CSF3R: variants seen among roughly 807,000 people sequenced by gnomAD.
CSF3R encodes the protein granulocyte colony-stimulating factor receptor.
A neutral mutation model predicts 84.4 loss-of-function variants in CSF3R; 52 were observed. The observed-to-expected ratio is 0.62, with a 90% CI of 0.49 to 0.78. The LOEUF is 0.78. CSF3R is among the 30% of genes least tolerant of loss of function. The probability of loss-of-function intolerance (pLI) is 0.00; values close to 1 mark genes in which losing one functional copy is unlikely to be tolerated. For missense variants in CSF3R, 890 were observed against 1,055.7 expected, an observed-to-expected ratio of 0.84 and a Z score of 2.17; for synonymous variants, 384 against 429.1, an observed-to-expected ratio of 0.89 and a Z score of 1.30.
At chr1:36,475,336 G>A (rs767041452) in intron 4 of CSF3R, 41 bp downstream of exon 4, 1 of 1,609,380 alleles carries the variant, frequency 6.2e-7, no homozygotes, top group South Asian at 1.1e-5. Context: ...TTGGCAGGAG[G>A]GTGTTGGAGG....
At chr1:36,478,444 G>A (rs984709787) in intron 3 of CSF3R, among the ~76,000 whole-genome samples, 10 of 152,006 alleles carry the variant, frequency 6.6e-5, no homozygotes, top group African/African-American at 2.4e-4. Flanking sequence ...CAGGAGAATC[G>A]CTTGAACCCG....
At chr1:36,474,640 TC>T (rs1651008356) in intron 4 of CSF3R, among the ~76,000 whole-genome samples, 1 of 151,930 alleles carries the variant, frequency 6.6e-6, no homozygotes, top group Non-Finnish European at 1.5e-5. Context: ...AACAAGAACC[TC>T]GGTCTTTGTT....
chr1:36,471,376 A>T, intron 10 of CSF3R, 57 bp downstream of exon 10: 1 of 1,531,254 alleles, frequency 6.5e-7, no homozygotes, highest in South Asian at 1.1e-5. Context: ...CAGGCAGTCT[A>T]GCCTTTGAAT....
chr1:36,468,126 G>A lies in CSF3R; in HGVS notation c.1672C>T (p.Pro558Ser). The change falls in exon 13 of 17, where the codon CCC becomes TCC. Residue 558 changes from proline to serine, a missense_variant. Transcript: ENST00000373106. The stretch of plus-strand genomic sequence containing the variant: ...CAGAAGATGGTGTAGTGGGTAAGGG[G>A]GCTCTTCCCCAGCTCAGGGGGCTCA... ...VPEPPELGKS[P>S]LTHYTIFWTN... 6.2e-7 allele frequency: 1 copy of A among 1,614,172 alleles called. No individual in the cohort carries two copies. The highest frequency in any genetic ancestry group is 8.5e-7 in the Non-Finnish European group (1 of 1,179,984).
intron 4 of CSF3R, among the ~76,000 whole-genome samples, chr1:36,474,861 C>A (rs1651021895): frequency 6.6e-6 from 1 of 152,134 alleles, no homozygotes. Context: ...GTGATAAGGG[C>A]AAGTCACTTA....
chr1:36,476,515 T>C (rs1181291188), intron 3 of CSF3R, among the ~76,000 whole-genome samples: 1 of 152,226 alleles, frequency 6.6e-6, no homozygotes, highest in East Asian at 1.9e-4. Flanking sequence ...CCTGACCCTC[T>C]CAGTTCCAGC....
intron 6 of CSF3R, chr1:36,473,063 C>A (rs3917971): frequency 0.29 from 109,799 of 376,108 alleles, 17,975 homozygotes; most frequent in South Asian, 0.38. Flanking sequence ...TTAATTTCTC[C>A]TTTCTGCTTA....
In CSF3R at chr1:36,466,879, C is replaced by T; in HGVS notation, c.2041-52G>A. The T allele has an allele frequency of 1.2e-6, 2 of 1,614,090 alleles. No homozygotes were observed. The highest frequency in any genetic ancestry group is 1.7e-6 in the Non-Finnish European group (2 of 1,180,000). ...CACGGCTCATTTCAGATGTCTGCCC[C>T]AGCCACTGTCCCTGTCTGGGTCCGG... On this transcript the variant is annotated intron_variant, in intron 16 of 16. Transcript: ENST00000373106. The surrounding 1 kb of genome is among the most constrained non-coding windows in gnomAD (Gnocchi z 4.6).
In CSF3R at chr1:36,467,805, C is replaced by T. The variant is rs746679632; in HGVS notation, c.1864+17G>A. ...CCTCCAAACAGCCATCTCTGCCCAG[C>T]CCCCGTCTCCCCTTACCTGGGGTCA... On this transcript the variant is annotated intron_variant, in intron 14 of 16. Transcript: ENST00000373106. This position sits in a 1 kb window ranked among gnomAD's most constrained non-coding sequence, Gnocchi z 4.1. 6.8e-6 allele frequency: 11 copies of T among 1,614,116 alleles called. No homozygotes were observed. The Admixed American group carries it at 1.7e-4, about 24-fold the overall frequency.
rs779773667 is a variant in CSF3R, at chr1:36,473,564, C to T, written c.544G>A (p.Gly182Arg). The T allele has an allele frequency of 1.6e-5, 26 of 1,614,164 alleles. No homozygotes were observed. The highest frequency in any genetic ancestry group is 2.2e-5 in the East Asian group (1 of 44,878). The change falls in exon 6 of 17, where the codon GGG becomes AGG. Residue 182 changes from glycine (G) to arginine (R), a missense_variant. Gly to Arg is a moderately radical substitution (Grantham distance 125). Coordinates refer to ENST00000373106, the MANE Select transcript of CSF3R (RefSeq NM_000760.4). ...CGTGGGATGCAGCAGTGGCTCTGCC[C>T]GTCCTTGGGCACGCAGTCCAGGATG... ...DSILDCVPKD[G>R]QSHCCIPRKH...
At chr1:36,468,311 G>A in intron 12 of CSF3R, 90 bp from the exon 13 acceptor site, 1 of 1,392,534 alleles carries the variant, frequency 7.2e-7, no homozygotes, top group East Asian at 2.3e-5. Flanking sequence ...ACACTGTGGG[G>A]TGGGTGAGAA....
intron 4 of CSF3R, among the ~76,000 whole-genome samples, chr1:36,475,154 G>A (rs1651044386): frequency 1.3e-5 from 2 of 151,908 alleles, no homozygotes; most frequent in Admixed American, 6.6e-5. Context: ...ACAGGCACCC[G>A]CCACTATGCC....
At chr1:36,470,299 C>T (rs556942990) in intron 10 of CSF3R, among the ~76,000 whole-genome samples, 5 of 152,302 alleles carry the variant, frequency 3.3e-5, no homozygotes, top group East Asian at 1.9e-4. Context: ...ATTCTCCTGC[C>T]GCAGCCTCCC....
rs1446951205 is a variant in CSF3R, at chr1:36,472,006, G to A, written c.1071+60C>T. On this transcript the variant is annotated intron_variant, in intron 9 of 16. Coordinates refer to ENST00000373106, the MANE Select transcript of CSF3R (RefSeq NM_000760.4). The surrounding 1 kb of genome is among the most constrained non-coding windows in gnomAD (Gnocchi z 5.0). ...TTGGAGTCCTAAGCCCCGGTTTGTA[G>A]GGATCTGTTTGGACTGCGGGAGGTG... is the stretch of plus-strand genomic sequence containing the variant. 13 of 1,544,664 alleles carry A rather than the reference G, an allele frequency of 8.4e-6. No homozygotes were observed. The East Asian group carries it at 2.5e-4, about 29-fold the overall frequency.
In CSF3R at chr1:36,466,248, A is replaced by AG; in HGVS notation, c.*108dup. The AG allele has an allele frequency of 6.2e-7, 1 of 1,613,786 alleles. No homozygotes were observed. The highest frequency in any genetic ancestry group is 8.5e-7 in the Non-Finnish European group (1 of 1,179,824). Reference sequence around the variant, plus strand: ...GAGATGCTGGTGACTGGAGATGGTGAGAGCCTGGGCTGGGGTAGTTTTTAG... The same window carrying AG: ...GAGATGCTGGTGACTGGAGATGGTGAGGAGCCTGGGCTGGGGTAGTTTTTAG... On this transcript the variant is annotated 3_prime_UTR_variant, in exon 17 of 17. Coordinates refer to ENST00000373106, the MANE Select transcript of CSF3R (RefSeq NM_000760.4). The surrounding 1 kb of genome is among the most constrained non-coding windows in gnomAD (Gnocchi z 4.6).
At chr1:36,468,276 G>A (rs776934244) in intron 12 of CSF3R, 55 bp from the exon 13 acceptor site, 32 of 1,512,850 alleles carry the variant, frequency 2.1e-5, no homozygotes, top group Non-Finnish European at 2.7e-5. Context: ...GCAAGAGCCC[G>A]GTTGGACTTC....
In CSF3R at chr1:36,473,550, G is replaced by A. The variant is rs575622000; in HGVS notation, c.558C>T (p.Cys186=). The A allele has an allele frequency of 3.9e-5, 63 of 1,614,214 alleles. No individual in the cohort carries two copies. Among genetic ancestry groups the A allele is most frequent in the Non-Finnish European group, 4.8e-5 (57 of 1,180,056 alleles). ...DCVPKDGQSH[C]CIPRKHLLLY... ...ACAGCAGGTGTTTGCGTGGGATGCA[G>A]CAGTGGCTCTGCCCGTCCTTGGGCA... The change falls in exon 6 of 17, where the codon TGC becomes TGT. Residue 186 remains cysteine, a synonymous_variant. Coordinates refer to ENST00000373106, the MANE Select transcript of CSF3R (RefSeq NM_000760.4).
Position 36,472,635 on chromosome 1 carries a change from G to T in CSF3R, c.725C>A (p.Ala242Asp). 1 of 1,611,858 alleles carries T rather than the reference G, an allele frequency of 6.2e-7. No individual in the cohort carries two copies. Among genetic ancestry groups the T allele is most frequent in the Non-Finnish European group, 8.5e-7 (1 of 1,178,852 alleles). Residue 242 changes from alanine (A) to aspartate (D), a missense_variant, in exon 7 of 17, where the codon GCC becomes GAC. Transcript: ENST00000373106. This position sits in a 1 kb window ranked among gnomAD's most constrained non-coding sequence, Gnocchi z 5.0. ...LRTMDPSPEAAPPQAGCLQLC... is the reference protein window; with the variant it reads ...LRTMDPSPEADPPQAGCLQLC... ...CTGTAGGCAGCCTGCCTGGGGAGGG[G>T]CCGCTTCAGGGCTGGGGTCCATGGT...
At position 36,466,951 on chromosome 1, in the gene CSF3R, G is replaced by A. The variant is rs755901511; in HGVS notation, c.2041-124C>T. ...TGTTGTTACTGGTGGAACACAAAGG[G>A]TACCACTTGCAAAGCACTAGTATGT... On this transcript the variant is annotated intron_variant, in intron 16 of 16. Coordinates refer to ENST00000373106, the MANE Select transcript of CSF3R (RefSeq NM_000760.4). The surrounding 1 kb of genome is among the most constrained non-coding windows in gnomAD (Gnocchi z 4.6). 28 of 1,608,650 alleles carry A rather than the reference G, an allele frequency of 1.7e-5. No individual in the cohort carries two copies. Among genetic ancestry groups the A allele is most frequent in the Non-Finnish European group, 2.1e-5 (25 of 1,178,284 alleles).
Sources: gnomAD v4.1 joint callset for allele counts (sites outside exome capture counted in the v4.1 genomes callset) on GRCh38, gnomAD v4.1.1 for gene constraint, Gnocchi (gnomAD v3.1) non-coding constraint, MANE v1.5 for transcripts, NCBI Gene and HGNC (gene_info 2026-07-23, HGNC 2026-07-21) for gene names.